The following NUMBL variants were observed in gnomAD, a reference collection of about 807,000 sequenced individuals.
NUMBL encodes numb-like protein.
A neutral mutation model predicts 48.9 loss-of-function variants in NUMBL; 20 were observed. The ratio of observed to expected loss-of-function variants is 0.41; its 90% confidence interval spans 0.29 to 0.59. The LOEUF is 0.59. Among genes scored for constraint, NUMBL ranks in the 20% least tolerant of loss-of-function variants. The probability of loss-of-function intolerance (pLI) is 0.31; values close to 1 mark genes in which losing one functional copy is unlikely to be tolerated. For missense variants in NUMBL, 660 were observed against 846.2 expected (o/e 0.78, Z 2.73); for synonymous variants, 340 against 348.7 (o/e 0.98, Z 0.28).
chr19:40,677,438 G>A lies in NUMBL; in HGVS notation c.541-17C>T. Reference sequence around the variant, plus strand: ...CCTCTCGCCCTATGGGGAGAGGATGGGCGGGGGGGTTAGAGGCGCTGGGCA... The same window carrying A: ...CCTCTCGCCCTATGGGGAGAGGATGAGCGGGGGGGTTAGAGGCGCTGGGCA... On this transcript the variant is annotated splice_polypyrimidine_tract_variant and intron_variant, in intron 6 of 9. Transcript: ENST00000252891. The A allele has an allele frequency of 6.2e-7, 1 of 1,602,210 alleles. No homozygotes were observed. Among genetic ancestry groups the A allele is most frequent in the Non-Finnish European group, 8.5e-7 (1 of 1,177,750 alleles).
At chr19:40,668,165 G>A (rs928740141) in intron 9 of NUMBL, 27 bp from the exon 10 acceptor site, 3 of 1,560,108 alleles carry the variant, frequency 1.9e-6, no homozygotes, top group African/African-American at 1.4e-5. Flanking sequence ...GACAGGTGAG[G>A]GAGGGGGCAA....
Position 40,682,868 on chromosome 19 carries a change from T to C in NUMBL, c.324+26A>G, listed in dbSNP as rs1174267020. ...CCTCTCCCTGTCTGACCTTGCCCCC[T>C]CCCTCATGGCAGCCCCCTCACTCAC... On this transcript the variant is annotated intron_variant, in intron 4 of 9. Coordinates refer to ENST00000252891, the MANE Select transcript of NUMBL (RefSeq NM_004756.5). The surrounding 1 kb of genome is among the most constrained non-coding windows in gnomAD (Gnocchi z 4.0). 7.4e-6 allele frequency: 12 copies of C among 1,613,766 alleles called. No individual in the cohort carries two copies. The East Asian group carries it at 2.7e-4, about 36-fold the overall frequency.
chr19:40,684,597 C>A, intron 2 of NUMBL, 41 bp from the exon 3 acceptor site: 1 of 1,568,744 alleles, frequency 6.4e-7, no homozygotes. Flanking sequence ...GGGTGGGGGT[C>A]AGAAGGTATG....
In NUMBL at chr19:40,682,211, C is replaced by A. The variant is rs1389759773; in HGVS notation, c.399+517G>T. 6.6e-6 allele frequency among the ~76,000 whole-genome samples: 1 copy of A among 152,062 alleles called. No individual in the cohort carries two copies. The highest frequency in any genetic ancestry group is 1.5e-5 in the Non-Finnish European group (1 of 68,008). ...GCATGATCTCCGCTCACCGCAACCT[C>A]CAAGTCTCGGGTTCAAGAGATTCTC... On this transcript the variant is annotated intron_variant, in intron 5 of 9. Coordinates refer to ENST00000252891, the MANE Select transcript of NUMBL (RefSeq NM_004756.5). The surrounding 1 kb of genome is among the most constrained non-coding windows in gnomAD (Gnocchi z 4.0).
Position 40,677,293 on chromosome 19 carries a change from G to A in NUMBL, c.669C>T (p.Gly223=), listed in dbSNP as rs1255324989. ...GCCCACCCCCAGACAGGCGGAAGGA[G>A]CCCTCGCGGGCGAAGCTGGTGCGGC... ...DASRTSFARE[G]SFRLSGGGRP... Residue 223 remains glycine, a synonymous_variant, in exon 7 of 10, where the codon GGC becomes GGT. Coordinates refer to ENST00000252891, the MANE Select transcript of NUMBL (RefSeq NM_004756.5). 1.2e-6 allele frequency: 2 copies of A among 1,608,510 alleles called. No homozygotes were observed. Among genetic ancestry groups the A allele is most frequent in the South Asian group, 2.2e-5 (2 of 90,324 alleles).
In NUMBL at chr19:40,677,245, C is replaced by T. The variant is rs747636983; in HGVS notation, c.717G>A (p.Pro239=). 1.9e-5 allele frequency: 30 copies of T among 1,563,944 alleles called. No individual in the cohort carries two copies. Among genetic ancestry groups the T allele is most frequent in the South Asian group, 4.7e-5 (4 of 85,710 alleles). The change falls in exon 7 of 10, where the codon CCG becomes CCA. Residue 239 remains proline, a synonymous_variant. Coordinates refer to ENST00000252891, the MANE Select transcript of NUMBL (RefSeq NM_004756.5). ...GGGRPAEREA[P]DKKKAEAAAA... ...GGCAACACCCACCTTTCTTCTTGTC[C>T]GGGGCCTCTCGCTCAGCAGGCCGCC...
intron 1 of NUMBL, chr19:40,690,116 T>G: frequency 4.4e-6 from 1 of 228,426 alleles, no homozygotes; most frequent in Non-Finnish European, 8.5e-6. Context: ...CCTGGAGGCC[T>G]TGGTTTGATA....
chr19:40,686,705 T>TTGAG (rs59474513), intron 2 of NUMBL, among the ~76,000 whole-genome samples: 106,329 of 151,578 alleles, frequency 0.7, 38,609 homozygotes, highest in African/African-American at 0.91. Context: ...ATGTGAGTGT[T>TTGAG]TGTGACTCTG....
chr19:40,667,217 G>A lies in NUMBL; in HGVS notation c.*251C>T. On this transcript the variant is annotated 3_prime_UTR_variant, in exon 10 of 10. Transcript: ENST00000252891. The surrounding 1 kb of genome is among the most constrained non-coding windows in gnomAD (Gnocchi z 6.1). Reference sequence around the variant, plus strand: ...CCTGTGTCTGGGGTTGGGGAAGGGGGCATTGCCAGCCTAAGTCCGGCAGTG... The same window carrying A: ...CCTGTGTCTGGGGTTGGGGAAGGGGACATTGCCAGCCTAAGTCCGGCAGTG... The A allele has an allele frequency of 1.9e-6, 1 of 521,850 alleles. No homozygotes were observed. The highest frequency in any genetic ancestry group is 3.5e-5 in the Admixed American group (1 of 28,744). The allele number at this position is 521,850 out of a possible 1,614,324, so 32.3% of individuals were successfully genotyped here. A position where few individuals can be genotyped will look rare whatever the true frequency, so the allele number is the denominator to read the frequency against.
chr19:40,677,467 C>A (rs370210229), intron 6 of NUMBL, 46 bp from the exon 7 acceptor site: 1 of 1,554,642 alleles, frequency 6.4e-7, no homozygotes. Flanking sequence ...CTGGGCAGTG[C>A]GGACAGGGGC....
intron 7 of NUMBL, among the ~76,000 whole-genome samples, chr19:40,676,390 C>T (rs2081876064): frequency 6.6e-6 from 1 of 151,958 alleles, no homozygotes; most frequent in East Asian, 1.9e-4. Context: ...TAGACCTCAA[C>T]TCAGACAACA....
intron 7 of NUMBL, among the ~76,000 whole-genome samples, chr19:40,676,834 A>G (rs1326861263): frequency 6.6e-6 from 1 of 151,992 alleles, no homozygotes; most frequent in African/African-American, 2.4e-5. Context: ...TTATTTTTTG[A>G]GACAGAGTCT....
chr19:40,673,743 T>G lies in NUMBL; in HGVS notation c.731-94A>C. The G allele has an allele frequency of 5.8e-6, 7 of 1,217,098 alleles. No individual in the cohort carries two copies. Among genetic ancestry groups the G allele is most frequent in the African/African-American group, 1.5e-5 (1 of 65,500 alleles). 75.4% of individuals were successfully genotyped at this position (1,217,098 alleles called of 1,614,324 possible). On this transcript the variant is annotated intron_variant, in intron 7 of 9. Coordinates refer to ENST00000252891, the MANE Select transcript of NUMBL (RefSeq NM_004756.5). This position sits in a 1 kb window ranked among gnomAD's most constrained non-coding sequence, Gnocchi z 5.9. ...CTCTTGATCATTCTCCAAGGCTGCCTTCCTTGCCCAGTGAGTCCTGCCCTT... is the reference window on the plus strand; with the variant it reads ...CTCTTGATCATTCTCCAAGGCTGCCGTCCTTGCCCAGTGAGTCCTGCCCTT...
intron 2 of NUMBL, chr19:40,686,139 G>A (rs755433482): frequency 6.7e-6 from 1 of 148,720 alleles, no homozygotes; most frequent in Non-Finnish European, 1.5e-5. Flanking sequence ...GTCAGACTGT[G>A]CAAGAGTGTG....
chr19:40,680,798 G>T, intron 6 of NUMBL, 119 bp downstream of exon 6: 1 of 1,151,488 alleles, frequency 8.7e-7, no homozygotes, highest in Non-Finnish European at 1.3e-6. Flanking sequence ...TTCTTCTCCA[G>T]ATGAGGAAAC....
rs375933244 is a variant in NUMBL, at chr19:40,682,936, C to T, written c.282G>A (p.Arg94=). ...YLGHVEVEES[R]GMHVCEDAVK... ...CCGCATCTTCACACACGTGCATTCCCCGGGACTCCTCTACCTCCACGTGAC... is the reference window on the plus strand; with the variant it reads ...CCGCATCTTCACACACGTGCATTCCTCGGGACTCCTCTACCTCCACGTGAC... The change falls in exon 4 of 10, where the codon CGG becomes CGA. Residue 94 remains arginine, a synonymous_variant. Coordinates refer to ENST00000252891, the MANE Select transcript of NUMBL (RefSeq NM_004756.5). The surrounding 1 kb of genome is among the most constrained non-coding windows in gnomAD (Gnocchi z 4.0). 11 of 1,613,390 alleles carry T rather than the reference C, an allele frequency of 6.8e-6. No homozygotes were observed. The highest frequency in any genetic ancestry group is 8.5e-6 in the Non-Finnish European group (10 of 1,179,786).
At position 40,682,711 on chromosome 19, in the gene NUMBL, C is replaced by T. The variant is rs774625539; in HGVS notation, c.399+17G>A. The T allele has an allele frequency of 6.2e-7, 1 of 1,612,874 alleles. No homozygotes were observed. The highest frequency in any genetic ancestry group is 8.5e-7 in the Non-Finnish European group (1 of 1,179,298). On this transcript the variant is annotated intron_variant, in intron 5 of 9. Transcript: ENST00000252891. This position sits in a 1 kb window ranked among gnomAD's most constrained non-coding sequence, Gnocchi z 4.0. Reference sequence around the variant, plus strand: ...AGCAGACAGGCCCCCTGGCGTCCACCCCCACAGGCCTCCTACCTTGGTTTT... The same window carrying T: ...AGCAGACAGGCCCCCTGGCGTCCACTCCCACAGGCCTCCTACCTTGGTTTT...
intron 8 of NUMBL, among the ~76,000 whole-genome samples, chr19:40,670,429 G>A (rs952788189): frequency 2.0e-5 from 3 of 152,236 alleles, no homozygotes; most frequent in Non-Finnish European, 2.9e-5. Context: ...CCAGCTTTGG[G>A]CAGAGAAGTG....
chr19:40,677,829 CAG>C (rs1247699091), intron 6 of NUMBL, among the ~76,000 whole-genome samples: 1 of 151,926 alleles, frequency 6.6e-6, no homozygotes, highest in Non-Finnish European at 1.5e-5. Flanking sequence ...GCTTGGGTGA[CAG>C]AGTGAGATTC....
Sources: allele counts gnomAD v4.1 joint callset (sites outside exome capture counted in the v4.1 genomes callset), GRCh38; gene constraint gnomAD v4.1.1; non-coding constraint Gnocchi (gnomAD v3.1); transcripts MANE v1.5; gene names NCBI Gene and HGNC (gene_info 2026-07-23, HGNC 2026-07-21).